Variants in NCALD observed in about 807,000 individuals in gnomAD.
NCALD encodes neurocalcin-delta.
NCALD carries 10 observed loss-of-function variants against 18.6 expected under a neutral mutation model. The ratio of observed to expected loss-of-function variants is 0.54; its 90% confidence interval spans 0.33 to 0.91. The LOEUF (loss-of-function observed/expected upper bound fraction) is 0.91, where lower values mean the gene tolerates loss of function less well. Ranked by LOEUF, NCALD falls within the 40% of genes least tolerant of loss-of-function variation. The pLI is 0.03. For missense variants in NCALD, 184 were observed against 247.6 expected, an observed-to-expected ratio of 0.74 and a Z score of 1.72; for synonymous variants, 88 against 87.4, an observed-to-expected ratio of 1.01 and a Z score of -0.04.
At position 101,880,366 on chromosome 8, in the gene NCALD, C is replaced by T. The variant is rs143234551; in HGVS notation, c.-20+6775G>A. Among the ~76,000 whole-genome samples, 1,430 of 152,264 alleles carry T rather than the reference C, an allele frequency of 9.4e-3. 10 individuals carry two copies. Among genetic ancestry groups the T allele is most frequent in the Non-Finnish European group, 0.014 (948 of 67,984 alleles). On this transcript the variant is annotated intron_variant, in intron 4 of 6. Coordinates refer to the NCALD transcript ENST00000311028. ...GCCCACGATCGCCAGGTGCAGCAGC[C>T]CCGGTTCCCACTGGCGCCTCTCCCT...
intron 4 of NCALD, among the ~76,000 whole-genome samples, chr8:101,805,651 C>A (rs920740609): frequency 1.3e-5 from 2 of 152,124 alleles, no homozygotes; most frequent in African/African-American, 4.8e-5. Flanking sequence ...AAGCTCTCCC[C>A]CAAAGGAGCT....
At chr8:102,029,709 C>T (rs757689893) in intron 1 of NCALD, among the ~76,000 whole-genome samples, 3 of 152,088 alleles carry the variant, frequency 2.0e-5, no homozygotes, top group Admixed American at 1.3e-4. Flanking sequence ...AAACCAAAAA[C>T]ACAGCATTCG....
intron 1 of NCALD, among the ~76,000 whole-genome samples, chr8:101,735,821 C>T (rs1195167937): frequency 2.6e-5 from 4 of 152,174 alleles, no homozygotes; most frequent in East Asian, 1.9e-4. Flanking sequence ...CTGTGGCCAG[C>T]GGAGGCTAAT....
intron 2 of NCALD, among the ~76,000 whole-genome samples, chr8:102,007,224 T>C (rs1786754522): frequency 6.6e-6 from 1 of 152,242 alleles, no homozygotes; most frequent in Admixed American, 6.5e-5. Flanking sequence ...CCAATGTTTA[T>C]TTATTAATTT....
chr8:102,056,515 T>C (rs1294714781), intron 1 of NCALD, among the ~76,000 whole-genome samples: 1 of 152,208 alleles, frequency 6.6e-6, no homozygotes, highest in East Asian at 1.9e-4. Context: ...GGATACACGA[T>C]TGAACAACTG....
intron 1 of NCALD, among the ~76,000 whole-genome samples, chr8:101,737,713 T>A (rs1809990563): frequency 6.6e-6 from 1 of 152,200 alleles, no homozygotes; most frequent in African/African-American, 2.4e-5. Context: ...TTCCTTGGTG[T>A]TTAGGTGGAG....
At chr8:102,090,489 T>C (rs797004097) in intron 1 of NCALD, among the ~76,000 whole-genome samples, 9 of 152,240 alleles carry the variant, frequency 5.9e-5, no homozygotes, top group African/African-American at 1.2e-4. Context: ...AAGACTCTCA[T>C]GGAGAGCTCA....
chr8:102,002,000 T>G (rs922357823), intron 2 of NCALD, among the ~76,000 whole-genome samples: 2 of 152,040 alleles, frequency 1.3e-5, no homozygotes, highest in East Asian at 1.9e-4. Context: ...AACATCATAA[T>G]GACAGGATCA....
intron 2 of NCALD, among the ~76,000 whole-genome samples, chr8:101,939,125 T>A (rs1409558883): frequency 6.6e-6 from 1 of 152,154 alleles, no homozygotes; most frequent in East Asian, 1.9e-4. Flanking sequence ...GTACCCACAG[T>A]CCTTGATGTC....
intron 2 of NCALD, among the ~76,000 whole-genome samples, chr8:101,709,752 C>A (rs1815698653): frequency 1.3e-5 from 2 of 152,178 alleles, no homozygotes; most frequent in South Asian, 4.1e-4. Context: ...CTGTCTCCAG[C>A]AGAGCTGAGG....
chr8:101,943,834 G>A (rs1460657349), intron 2 of NCALD, among the ~76,000 whole-genome samples: 3 of 151,984 alleles, frequency 2.0e-5, no homozygotes, highest in South Asian at 2.1e-4. Flanking sequence ...TCAGTTACTC[G>A]GGAGGCTGAG....
chr8:101,899,987 C>A (rs971773108), intron 3 of NCALD, among the ~76,000 whole-genome samples: 4 of 151,828 alleles, frequency 2.6e-5, no homozygotes, highest in Admixed American at 6.6e-5. Context: ...TCTAGAGAAA[C>A]CATCTGGACC....
chr8:101,719,176 C>G (rs991678931), intron 2 of NCALD, 76 bp downstream of exon 2: 3 of 1,501,646 alleles, frequency 2.0e-6, no homozygotes, highest in South Asian at 2.7e-5. Context: ...ACCTCTGCAC[C>G]GTGCTATACT....
chr8:101,801,705 C>G (rs1425946152), intron 4 of NCALD, among the ~76,000 whole-genome samples: 1 of 121,730 alleles, frequency 8.2e-6, no homozygotes, highest in Non-Finnish European at 1.6e-5. Context: ...CTCCCTCTGT[C>G]GCCCAGGCTG....
intron 2 of NCALD, among the ~76,000 whole-genome samples, chr8:101,981,138 ACCT>A (rs1355675456): frequency 6.6e-6 from 1 of 152,152 alleles, no homozygotes; most frequent in Non-Finnish European, 1.5e-5. Context: ...GAAGGCAATA[ACCT>A]CCTCTTATAT....
At chr8:101,731,717 A>G (rs958645169) in intron 1 of NCALD, among the ~76,000 whole-genome samples, 2 of 152,128 alleles carry the variant, frequency 1.3e-5, no homozygotes, top group Non-Finnish European at 2.9e-5. Context: ...ATTGCTTGAA[A>G]TTCAACTCCT....
rs141812897 is a variant in NCALD, at chr8:101,877,573, T to C, written c.-20+9568A>G. On this transcript the variant is annotated intron_variant, in intron 4 of 6. Transcript: ENST00000311028. ...GAAAATAACCTTTTCAACAGTATTT[T>C]ACCAGTGGAATTCTGGAAGCCTTCA... Among the ~76,000 whole-genome samples, 208 of 152,346 alleles carry C rather than the reference T, an allele frequency of 1.4e-3. 1 individual carries two copies. Among genetic ancestry groups the C allele is most frequent in the Non-Finnish European group, 2.4e-3 (162 of 68,036 alleles).
At chr8:101,822,964 C>G (rs1200893608) in intron 4 of NCALD, among the ~76,000 whole-genome samples, 2 of 152,164 alleles carry the variant, frequency 1.3e-5, no homozygotes, top group Non-Finnish European at 2.9e-5. Flanking sequence ...CTTACTGATG[C>G]AATTAATCAA....
At chr8:101,916,677 A>T (rs190898211) in intron 2 of NCALD, among the ~76,000 whole-genome samples, 1 of 152,236 alleles carries the variant, frequency 6.6e-6, no homozygotes, top group Admixed American at 6.5e-5. Flanking sequence ...GAAACAGAAA[A>T]CAAAACAAAA....
Sources: gnomAD v4.1 joint callset for allele counts (sites outside exome capture counted in the v4.1 genomes callset) on GRCh38, gnomAD v4.1.1 for gene constraint, MANE v1.5 for transcripts, NCBI Gene and HGNC (gene_info 2026-07-23, HGNC 2026-07-21) for gene names.